Variants in SUGCT observed in about 807,000 individuals in gnomAD.
The protein encoded by SUGCT is succinyl-CoA:glutarate CoA-transferase.
SUGCT carries 41 observed loss-of-function variants against 55.0 expected under a neutral mutation model. That is an observed-to-expected ratio of 0.74 (90% CI 0.58 to 0.97). SUGCT has a LOEUF of 0.97. Ranked by LOEUF, SUGCT falls within the 50% of genes least tolerant of loss-of-function variation. The pLI, the probability that SUGCT is intolerant of heterozygous loss-of-function variation, is 0.00. For missense variants in SUGCT, 568 were observed against 547.8 expected, an observed-to-expected ratio of 1.04 and a Z score of -0.37; for synonymous variants, 187 against 200.4, an observed-to-expected ratio of 0.93 and a Z score of 0.56.
chr7:41,025,896 G>A, the SUGCT span, among the ~76,000 whole-genome samples: 1 of 152,116 alleles, frequency 6.6e-6, no homozygotes, highest in African/African-American at 2.4e-5. Context: ...TTAAAGACCC[G>A]TGCAGCTGAT....
the SUGCT span, among the ~76,000 whole-genome samples, chr7:40,915,449 T>G: frequency 6.6e-6 from 1 of 152,148 alleles, no homozygotes; most frequent in Non-Finnish European, 1.5e-5. Context: ...CTATGAATGT[T>G]TAGTCTCTAA....
chr7:40,376,244 T>C (rs1784535936), intron 9 of SUGCT, among the ~76,000 whole-genome samples: 1 of 152,222 alleles, frequency 6.6e-6, no homozygotes, highest in South Asian at 2.1e-4. Context: ...CATGTCTTTT[T>C]GCAAATTTTA....
chr7:40,838,206 T>C lies in SUGCT; in HGVS notation c.1154-22110T>C, dbSNP rs537119745. On this transcript the variant is annotated intron_variant, in intron 13 of 13. Transcript: ENST00000335693. ...AGAATGAATCTTCCTACTTTACCCC[T>C]TTTTTCAAAATTATTTTAGCTATTA... is the stretch of plus-strand genomic sequence containing the variant. Among the ~76,000 whole-genome samples, 8 of 152,276 alleles carry C rather than the reference T, an allele frequency of 5.3e-5. No homozygotes were observed. The East Asian group carries it at 1.5e-3, about 29-fold the overall frequency.
intron 1 of SUGCT, among the ~76,000 whole-genome samples, chr7:40,137,609 G>C (rs1787763834): frequency 6.6e-6 from 1 of 152,252 alleles, no homozygotes. Context: ...TTTGTAGCAA[G>C]ATAAAAGTGA....
chr7:40,298,616 G>T (rs1794325122), intron 8 of SUGCT, among the ~76,000 whole-genome samples: 1 of 152,146 alleles, frequency 6.6e-6, no homozygotes, highest in East Asian at 1.9e-4. Flanking sequence ...AGTCATTTGT[G>T]TAGGAATCCA....
At chr7:40,942,966 A>AG in the SUGCT span, among the ~76,000 whole-genome samples, 1 of 151,380 alleles carries the variant, frequency 6.6e-6, no homozygotes, top group Non-Finnish European at 1.5e-5. Context: ...CATATCCTGA[A>AG]TTTTTTTTAC....
the SUGCT span, among the ~76,000 whole-genome samples, chr7:40,929,842 T>G: frequency 6.6e-6 from 1 of 152,232 alleles, no homozygotes; most frequent in Non-Finnish European, 1.5e-5. Flanking sequence ...ATGGGTAGAT[T>G]GCAAAAATTT....
intron 12 of SUGCT, among the ~76,000 whole-genome samples, chr7:40,501,157 A>G (rs1307649960): frequency 6.6e-6 from 1 of 152,210 alleles, no homozygotes; most frequent in East Asian, 1.9e-4. Flanking sequence ...GGAGATAAAA[A>G]CATAAATTTT....
chr7:40,897,988 A>C, the SUGCT span, among the ~76,000 whole-genome samples: 11 of 152,170 alleles, frequency 7.2e-5, no homozygotes, highest in Non-Finnish European at 1.6e-4. Context: ...AACAGTGGCC[A>C]CCCGCTCAGG....
chr7:40,532,526 CTGTGTGTGTGTGTG>C (rs3048827), intron 12 of SUGCT, among the ~76,000 whole-genome samples: 560 of 134,162 alleles, frequency 4.2e-3, no homozygotes, highest in African/African-American at 0.011. Context: ...GCAAGTATGT[CTGTGTGTGTGTGTG>C]TGTGTGTGTG....
the SUGCT span, among the ~76,000 whole-genome samples, chr7:41,007,110 A>T: frequency 5.6e-5 from 8 of 142,752 alleles, no homozygotes; most frequent in Non-Finnish European, 7.7e-5. Flanking sequence ...TTTTTTTTTT[A>T]AATTGAGTGG....
At chr7:40,460,018 TA>T (rs1468952673) in intron 11 of SUGCT, among the ~76,000 whole-genome samples, 1 of 152,172 alleles carries the variant, frequency 6.6e-6, no homozygotes, top group Non-Finnish European at 1.5e-5. Flanking sequence ...ATCATGCCAA[TA>T]AATTAGGTAA....
the SUGCT span, among the ~76,000 whole-genome samples, chr7:40,871,619 G>A: frequency 2.0e-5 from 3 of 152,134 alleles, no homozygotes; most frequent in African/African-American, 4.8e-5. Flanking sequence ...AACTCAGAGA[G>A]GAGTTTAACT....
chr7:40,389,150 T>G (rs1263894150), intron 9 of SUGCT, among the ~76,000 whole-genome samples: 1 of 152,096 alleles, frequency 6.6e-6, no homozygotes, highest in African/African-American at 2.4e-5. Flanking sequence ...AGTAAGGCAT[T>G]TAAAGAAAAG....
chr7:40,145,576 A>T (rs568651318), intron 1 of SUGCT, among the ~76,000 whole-genome samples: 6 of 151,052 alleles, frequency 4.0e-5, no homozygotes, highest in Admixed American at 2.7e-4. Flanking sequence ...ATGTCTGTGG[A>T]CTAGTCTAAG....
intron 12 of SUGCT, among the ~76,000 whole-genome samples, chr7:40,705,586 A>C (rs958014771): frequency 7.2e-5 from 11 of 152,208 alleles, no homozygotes; most frequent in Admixed American, 4.6e-4. Flanking sequence ...TACAAATCCT[A>C]TATCTTTCAG....
chr7:40,348,709 T>C (rs907753482), intron 9 of SUGCT, among the ~76,000 whole-genome samples: 1 of 152,212 alleles, frequency 6.6e-6, no homozygotes, highest in African/African-American at 2.4e-5. Context: ...CCTTTTCTTC[T>C]TCCTCATTCT....
chr7:40,709,027 T>C (rs1351225019), intron 12 of SUGCT, among the ~76,000 whole-genome samples: 1 of 152,188 alleles, frequency 6.6e-6, no homozygotes, highest in Non-Finnish European at 1.5e-5. Flanking sequence ...TAAACATGAG[T>C]ACTTGCCTCT....
intron 7 of SUGCT, among the ~76,000 whole-genome samples, chr7:40,249,313 C>CTATCTATATCTATATATATATATCTA (rs1324264789): frequency 0.013 from 1,055 of 79,284 alleles, 8 homozygotes; most frequent in Non-Finnish European, 0.019. Context: ...CACCAAAAAG[C>CTATCTATATCTATATATATATATCTA]TATATATATA....
Sources: gnomAD v4.1 joint callset for allele counts (sites outside exome capture counted in the v4.1 genomes callset) on GRCh38, gnomAD v4.1.1 for gene constraint, MANE v1.5 for transcripts, NCBI Gene and HGNC (gene_info 2026-07-23, HGNC 2026-07-21) for gene names.